RAB38: variants seen among roughly 807,000 people sequenced by gnomAD.
RAB38 encodes RAB38, member RAS oncogene family.
RAB38 carries 15 observed loss-of-function variants against 18.4 expected under a neutral mutation model. The observed-to-expected ratio is 0.82, with a 90% CI of 0.55 to 1.26. RAB38 has a LOEUF of 1.26. Ranked by LOEUF, RAB38 falls within the 50% of genes most tolerant of loss-of-function variation. The probability of loss-of-function intolerance (pLI) is 0.00; values close to 1 mark genes in which losing one functional copy is unlikely to be tolerated. For synonymous variants in RAB38, 101 were observed against 104.4 expected, an observed-to-expected ratio of 0.97 and a Z score of 0.20; for missense variants, 294 against 267.4, an observed-to-expected ratio of 1.10 and a Z score of -0.69.
At chr11:88,108,543 C>A (rs1400857924), downstream of RAB38, among the ~76,000 whole-genome samples, 2 of 152,152 alleles carry the variant, frequency 1.3e-5, no homozygotes, top group African/African-American at 4.8e-5. Flanking sequence ...TGTCTCTGCA[C>A]ATGAGATGGG....
the RAB38 span, among the ~76,000 whole-genome samples, chr11:88,005,362 G>A: frequency 6.6e-6 from 1 of 150,562 alleles, no homozygotes; most frequent in Non-Finnish European, 1.5e-5. Flanking sequence ...TTCAACAGAA[G>A]TGACAAGGCA....
At chr11:88,135,837 T>A (rs762566780) in intron 2 of RAB38, among the ~76,000 whole-genome samples, 8 of 152,342 alleles carry the variant, frequency 5.3e-5, no homozygotes, top group Non-Finnish European at 1.0e-4. Flanking sequence ...GGCATCTCAA[T>A]GCTGTCATTC....
chr11:87,858,757 G>T, the RAB38 span, among the ~76,000 whole-genome samples: 1 of 151,858 alleles, frequency 6.6e-6, no homozygotes, highest in Non-Finnish European at 1.5e-5. Flanking sequence ...TAGGAAGAAG[G>T]GATGTTGTTA....
At chr11:87,965,673 G>C in the RAB38 span, among the ~76,000 whole-genome samples, 4 of 152,134 alleles carry the variant, frequency 2.6e-5, no homozygotes, top group Admixed American at 1.3e-4. Context: ...AATGTGGTTT[G>C]GGGCAAAACA....
the RAB38 span, among the ~76,000 whole-genome samples, chr11:87,819,466 T>G: frequency 6.6e-6 from 1 of 152,198 alleles, no homozygotes; most frequent in South Asian, 2.1e-4. Context: ...TTTTTATTGT[T>G]TTTTGTTCAT....
At chr11:88,151,863 A>C (rs919629869) in intron 1 of RAB38, among the ~76,000 whole-genome samples, 5 of 152,170 alleles carry the variant, frequency 3.3e-5, no homozygotes, top group African/African-American at 1.2e-4. Flanking sequence ...CTGTGTGCAC[A>C]AGCAAGTATC....
At chr11:88,022,627 A>AAAAAAAAC in the RAB38 span, among the ~76,000 whole-genome samples, 4 of 150,236 alleles carry the variant, frequency 2.7e-5, no homozygotes, top group South Asian at 4.2e-4. Flanking sequence ...AAAAAAAAAA[A>AAAAAAAAC]AAAAACAACT....
At chr11:88,048,857 G>A in the RAB38 span, among the ~76,000 whole-genome samples, 1 of 152,146 alleles carries the variant, frequency 6.6e-6, no homozygotes, top group African/African-American at 2.4e-5. Context: ...GCAGGGCTAT[G>A]CTGAACCTCC....
chr11:88,006,070 A>T, the RAB38 span, among the ~76,000 whole-genome samples: 18 of 151,676 alleles, frequency 1.2e-4, no homozygotes, highest in South Asian at 4.1e-4. Flanking sequence ...TATATAAAAA[A>T]CTCAAACAGC....
chr11:87,855,406 C>T, the RAB38 span, among the ~76,000 whole-genome samples: 2 of 152,084 alleles, frequency 1.3e-5, no homozygotes, highest in African/African-American at 4.8e-5. Context: ...CCTCTATTGG[C>T]TTACTGAGGT....
the RAB38 span, among the ~76,000 whole-genome samples, chr11:88,016,462 G>A: frequency 6.6e-6 from 1 of 152,094 alleles, no homozygotes; most frequent in African/African-American, 2.4e-5. Context: ...TGCTTGTGGT[G>A]AAAGGAAACA....
chr11:88,174,857 C>T (rs866880157), intron 1 of RAB38, among the ~76,000 whole-genome samples: 37 of 152,210 alleles, frequency 2.4e-4, no homozygotes, highest in African/African-American at 8.2e-4. Flanking sequence ...GCAGAACTGC[C>T]CGCGCCCAGA....
chr11:87,878,222 T>TATATATATATATATATACACACAC, the RAB38 span, among the ~76,000 whole-genome samples: 29 of 116,198 alleles, frequency 2.5e-4, 2 homozygotes, highest in African/African-American at 1.0e-3. Context: ...TATATATATA[T>TATATATATATATATATACACACAC]ACACACATAT....
At chr11:87,946,442 AG>A in the RAB38 span, among the ~76,000 whole-genome samples, 6 of 152,270 alleles carry the variant, frequency 3.9e-5, no homozygotes, top group African/African-American at 1.4e-4. Context: ...CACAACGTGC[AG>A]GTTTGTTACA....
chr11:87,967,607 G>A, the RAB38 span, among the ~76,000 whole-genome samples: 1 of 152,158 alleles, frequency 6.6e-6, no homozygotes, highest in Non-Finnish European at 1.5e-5. Context: ...GCTGGGCAAT[G>A]TGAGGGGTGA....
At chr11:87,836,893 C>G in the RAB38 span, among the ~76,000 whole-genome samples, 1 of 152,194 alleles carries the variant, frequency 6.6e-6, no homozygotes, top group African/African-American at 2.4e-5. Flanking sequence ...GTCACCCACT[C>G]TTTCTTCCTA....
chr11:87,946,659 C>G, the RAB38 span, among the ~76,000 whole-genome samples: 2 of 151,920 alleles, frequency 1.3e-5, no homozygotes, highest in Admixed American at 6.6e-5. Flanking sequence ...TTTGTCCTTG[C>G]AATAGTTTGC....
chr11:88,143,295 G>T (rs1355185254), intron 2 of RAB38, among the ~76,000 whole-genome samples: 1 of 152,254 alleles, frequency 6.6e-6, no homozygotes, highest in Non-Finnish European at 1.5e-5. Context: ...TGGCTAAAGA[G>T]AAGTTATTCT....
At chr11:88,127,228 AT>A (rs1288247551) in intron 2 of RAB38, among the ~76,000 whole-genome samples, 16 of 152,198 alleles carry the variant, frequency 1.1e-4, no homozygotes, top group Non-Finnish European at 2.2e-4. Context: ...CTGGGCTGGA[AT>A]GCATGAGGGG....
Sources: allele counts gnomAD v4.1 joint callset (sites outside exome capture counted in the v4.1 genomes callset), GRCh38; gene constraint gnomAD v4.1.1; transcripts MANE v1.5; gene names NCBI Gene and HGNC (gene_info 2026-07-23, HGNC 2026-07-21).